LRP5: variants seen among roughly 807,000 people sequenced by gnomAD.
LRP5 encodes LDL receptor related protein 5, also known as low-density lipoprotein receptor-related protein 5.
Under a neutral mutation model 154.1 loss-of-function variants are expected in LRP5, and 62 were observed. That is an observed-to-expected ratio of 0.40 (90% CI 0.33 to 0.50). The LOEUF is 0.50. Among genes scored for constraint, LRP5 ranks in the 20% least tolerant of loss-of-function variants. LRP5 has a pLI of 0.55. For synonymous variants in LRP5, 966 were observed against 1,011.5 expected (o/e 0.96, Z 0.85); for missense variants, 1,915 against 2,336.7 (o/e 0.82, Z 3.72).
intron 7 of LRP5, among the ~76,000 whole-genome samples, chr11:68,403,031 A>T (rs1306809065): frequency 6.6e-6 from 1 of 152,134 alleles, no homozygotes; most frequent in East Asian, 1.9e-4. Context: ...GGATCACTTG[A>T]GGTCAGAAGT....
chr11:68,416,966 G>A (rs962119393), intron 13 of LRP5, among the ~76,000 whole-genome samples: 1 of 152,204 alleles, frequency 6.6e-6, no homozygotes, highest in African/African-American at 2.4e-5. Flanking sequence ...TAGGGAAAGC[G>A]GGGCCAGGGC....
rs1349149546 is a variant in LRP5 at position 68,413,752 on chromosome 11, A to C, written c.2567A>C (p.Asp856Ala). The change falls in exon 12 of 23, where the codon GAT becomes GCT. Residue 856 changes from aspartate to alanine, a missense_variant. Physicochemically the swap from Asp to Ala is moderately radical, Grantham distance 126. This residue lies in a region of LRP5 where 1,094 missense variants were observed against 1,210.1 expected (regional missense o/e 0.90). Transcript: ENST00000294304. This position sits in a 1 kb window ranked among gnomAD's most constrained non-coding sequence, Gnocchi z 5.1. ...PHPFGLTQYS[D>A]YIYWTDWNLH... ...CCGTTCGGTCTGACGCAGTACAGCG[A>C]TTATATCTACTGGACAGACTGGAAT... 2 of 1,613,732 alleles carry C rather than the reference A, an allele frequency of 1.2e-6. No individual in the cohort carries two copies. The highest frequency in any genetic ancestry group is 8.5e-7 in the Non-Finnish European group (1 of 1,179,896).
chr11:68,413,650 G>A lies in LRP5; in HGVS notation c.2504-39G>A. 1 of 1,591,950 alleles carries A rather than the reference G, an allele frequency of 6.3e-7. No individual in the cohort carries two copies. ...GCGCCGTGTGCTCTGTGGCCTGGCT[G>A]TGCCTTTGCTGACACCGTGCCCGTG... is the stretch of plus-strand genomic sequence containing the variant. On this transcript the variant is annotated intron_variant, in intron 11 of 22. Transcript: ENST00000294304. This position sits in a 1 kb window ranked among gnomAD's most constrained non-coding sequence, Gnocchi z 5.1.
rs1361487402 is a variant in LRP5, at chr11:68,353,963, G to A, written c.489-3687G>A. ...AGGGTACCCATGTGGGTGGCAGAGC[G>A]GGCTCTGGGGATGACCCTCTGGCCC... On this transcript the variant is annotated intron_variant, in intron 2 of 22. Coordinates refer to ENST00000294304, the MANE Select transcript of LRP5 (RefSeq NM_002335.4). This position sits in a 1 kb window ranked among gnomAD's most constrained non-coding sequence, Gnocchi z 4.5. Among the ~76,000 whole-genome samples, 2 of 152,194 alleles carry A rather than the reference G, an allele frequency of 1.3e-5. No homozygotes were observed. Among genetic ancestry groups the A allele is most frequent in the African/African-American group, 4.8e-5 (2 of 41,446 alleles).
intron 1 of LRP5, among the ~76,000 whole-genome samples, chr11:68,328,345 TAAAG>T (rs991674405): frequency 1.3e-4 from 20 of 152,362 alleles, no homozygotes; most frequent in African/African-American, 4.3e-4. Flanking sequence ...TTTCAACACT[TAAAG>T]AAAATAAAAG....
At chr11:68,394,529 G>A (rs929118983) in intron 7 of LRP5, among the ~76,000 whole-genome samples, 2 of 151,362 alleles carry the variant, frequency 1.3e-5, no homozygotes, top group South Asian at 2.1e-4. Flanking sequence ...GCAGTGGCAC[G>A]ATCTCGGCTC....
In LRP5 at chr11:68,334,731, C is replaced by T. The variant is rs557959030; in HGVS notation, c.92-13116C>T. Among the ~76,000 whole-genome samples the T allele has an allele frequency of 3.3e-5, 5 of 152,068 alleles. No individual in the cohort carries two copies. The East Asian group carries it at 7.8e-4, about 24-fold the overall frequency. ...CTCTACTAAAAATACAGAAATTAGC[C>T]GGTTGTGGGGGCACACCTGTAATCC... is the stretch of plus-strand genomic sequence containing the variant. On this transcript the variant is annotated intron_variant, in intron 1 of 22. Transcript: ENST00000294304.
chr11:68,363,812 A>C lies in LRP5; in HGVS notation c.752A>C (p.Tyr251Ser). The C allele has an allele frequency of 6.2e-7, 1 of 1,612,948 alleles. No homozygotes were observed. Among genetic ancestry groups the C allele is most frequent in the Non-Finnish European group, 8.5e-7 (1 of 1,179,872 alleles). The change falls in exon 4 of 23, where the codon TAC becomes TCC. Residue 251 changes from tyrosine to serine, a missense_variant. Physicochemically the swap from Tyr to Ser is moderately radical, Grantham distance 144 (BLOSUM62 -2). Coordinates refer to ENST00000294304, the MANE Select transcript of LRP5 (RefSeq NM_002335.4). ...FALTLSGDTL[Y>S]WTDWQTRSIH... ...CTGACGCTCTCCGGGGACACTCTGT[A>C]CTGGACAGACTGGCAGACCCGCTCC...
intron 22 of LRP5, among the ~76,000 whole-genome samples, chr11:68,448,323 C>T (rs564200024): frequency 2.2e-4 from 34 of 152,306 alleles, no homozygotes; most frequent in African/African-American, 6.0e-4. Context: ...CAAACCCTAT[C>T]GGTTGCCAAC....
chr11:68,421,257 T>C (rs566347615), intron 13 of LRP5, among the ~76,000 whole-genome samples: 18 of 151,448 alleles, frequency 1.2e-4, no homozygotes, highest in Middle Eastern at 6.8e-3. Context: ...CAAGACTCCG[T>C]CTCAAAAAAA....
At chr11:68,442,478 A>G (rs2098678723) in intron 21 of LRP5, among the ~76,000 whole-genome samples, 1 of 151,968 alleles carries the variant, frequency 6.6e-6, no homozygotes, top group African/African-American at 2.4e-5. Flanking sequence ...GCCTCACTAA[A>G]TTTCCTGGGC....
chr11:68,363,428 G>A (rs557608396), intron 3 of LRP5, among the ~76,000 whole-genome samples: 4 of 152,196 alleles, frequency 2.6e-5, no homozygotes, highest in African/African-American at 9.7e-5. Flanking sequence ...AGGCTGAGGT[G>A]GGTGGATCAC....
chr11:68,368,986 C>T (rs972552780), intron 5 of LRP5, among the ~76,000 whole-genome samples: 43 of 151,846 alleles, frequency 2.8e-4, no homozygotes, highest in Admixed American at 2.5e-3. Context: ...TACAGGCGCC[C>T]GCTACTATGT....
intron 1 of LRP5, among the ~76,000 whole-genome samples, chr11:68,338,479 C>T (rs1418850203): frequency 6.6e-6 from 1 of 152,212 alleles, no homozygotes; most frequent in African/African-American, 2.4e-5. Context: ...GGACTGATCA[C>T]GGGTCCTGGG....
chr11:68,443,008 C>T (rs1270189463), intron 21 of LRP5, among the ~76,000 whole-genome samples: 1 of 152,174 alleles, frequency 6.6e-6, no homozygotes, highest in African/African-American at 2.4e-5. Context: ...TGCGGTTGAA[C>T]CTTGGCTGTT....
chr11:68,438,399 T>C (rs755441813), intron 19 of LRP5, 47 bp from the exon 20 acceptor site: 2 of 1,544,488 alleles, frequency 1.3e-6, no homozygotes, highest in South Asian at 2.2e-5. Context: ...GAGGGCCCAT[T>C]CCGTTGGGGT....
intron 1 of LRP5, among the ~76,000 whole-genome samples, chr11:68,317,512 G>A (rs1318035323): frequency 6.6e-6 from 1 of 152,188 alleles, no homozygotes; most frequent in African/African-American, 2.4e-5. Flanking sequence ...ACGGGGTGCT[G>A]GTCCTATCCG....
chr11:68,440,222 C>T (rs972579000), intron 21 of LRP5, among the ~76,000 whole-genome samples: 4 of 152,226 alleles, frequency 2.6e-5, no homozygotes, highest in African/African-American at 9.7e-5. Context: ...CCCAGCCCAT[C>T]GATAGCCGCC....
chr11:68,425,840 T>A (rs1030163229), intron 15 of LRP5, 138 bp from the exon 16 acceptor site: 13 of 761,260 alleles, frequency 1.7e-5, no homozygotes, highest in Non-Finnish European at 2.9e-5. Flanking sequence ...GGGACTCTGC[T>A]GCAGCTCCCA....
Sources: gnomAD v4.1 joint callset for allele counts (sites outside exome capture counted in the v4.1 genomes callset) on GRCh38, gnomAD v4.1.1 for gene constraint, gnomAD v4.1.1 regional missense constraint, Gnocchi (gnomAD v3.1) non-coding constraint, MANE v1.5 for transcripts, NCBI Gene and HGNC (gene_info 2026-07-23, HGNC 2026-07-21) for gene names.